GPCPD1: variants seen among roughly 807,000 people sequenced by gnomAD.
The protein encoded by GPCPD1 is glycerophosphocholine phosphodiesterase GPCPD1.
GPCPD1 carries 29 observed loss-of-function variants against 89.2 expected under a neutral mutation model. That is an observed-to-expected ratio of 0.33 (90% CI 0.24 to 0.44). The LOEUF is 0.44. Ranked by LOEUF, GPCPD1 falls within the 20% of genes least tolerant of loss-of-function variation. GPCPD1 has a pLI of 1.00. For synonymous variants in GPCPD1, 258 were observed against 266.3 expected, an observed-to-expected ratio of 0.97 and a Z score of 0.30; for missense variants, 594 against 808.9, an observed-to-expected ratio of 0.73 and a Z score of 3.22.
chr20:5,560,060 C>T lies in GPCPD1; in HGVS notation c.1412G>A (p.Gly471Asp). ...ICQQRDGMWD[G>D]NLSTYFDMNL... is the part of the protein sequence containing the mutation. ...CATGTCAAAATATGTTGATAAGTTA[C>T]CATCCCACATTCCATCCTAGTGAAA... The change falls in exon 17 of 20, where the codon GGT becomes GAT. Residue 471 changes from glycine (G) to aspartate (D), a missense_variant. Coordinates refer to ENST00000379019, the MANE Select transcript of GPCPD1 (RefSeq NM_019593.5). The T allele has an allele frequency of 1.3e-6, 2 of 1,574,076 alleles. No homozygotes were observed. Among genetic ancestry groups the T allele is most frequent in the Non-Finnish European group, 1.7e-6 (2 of 1,161,442 alleles).
intron 10 of GPCPD1, among the ~76,000 whole-genome samples, chr20:5,574,769 G>A (rs1229248476): frequency 6.6e-6 from 1 of 152,090 alleles, no homozygotes; most frequent in African/African-American, 2.4e-5. Flanking sequence ...GGGCAGGTGA[G>A]GGTGCTTCTT....
intron 2 of GPCPD1, among the ~76,000 whole-genome samples, chr20:5,599,844 C>T (rs533659821): frequency 9.9e-5 from 15 of 152,260 alleles, no homozygotes; most frequent in African/African-American, 3.6e-4. Flanking sequence ...TGAGCCGCCG[C>T]GCCCAGCCAA....
Position 5,610,983 on chromosome 20 carries a change from A to C in GPCPD1, c.-170T>G, listed in dbSNP as rs1172493063. The C allele has an allele frequency of 6.6e-6, 1 of 151,924 alleles. No individual in the cohort carries two copies. The highest frequency in any genetic ancestry group is 1.5e-5 in the Non-Finnish European group (1 of 67,982). The allele number at this position is 151,924 out of a possible 1,614,324, so 9.4% of individuals were successfully genotyped here. A position where few individuals can be genotyped will look rare whatever the true frequency, so the allele number is the denominator to read the frequency against. ...GCCTGCCGCGGCGTCGAGCGGCAGG[A>C]AGCAGCCACGCTCAAACCGGTTTCA... is the stretch of plus-strand genomic sequence containing the variant. On this transcript the variant is annotated 5_prime_UTR_variant, in exon 1 of 20. Transcript: ENST00000379019.
intron 1 of GPCPD1, among the ~76,000 whole-genome samples, chr20:5,605,632 G>T (rs1568683436): frequency 6.6e-6 from 1 of 152,094 alleles, no homozygotes; most frequent in South Asian, 2.1e-4. Flanking sequence ...TACAAAATTA[G>T]CCGGGCGTGG....
chr20:5,565,199 C>A lies in GPCPD1; in HGVS notation c.1268-121G>T, dbSNP rs547655859. ...GAGAGAGAGTGTGTGTGTGAGCAAG[C>A]GCGAGAGCATAAGTAACTCTGAGAT... On this transcript the variant is annotated intron_variant, in intron 14 of 19. Transcript: ENST00000379019. The A allele has an allele frequency of 2.4e-5, 15 of 631,966 alleles. No homozygotes were observed. The Admixed American group carries it at 3.0e-4, about 13-fold the overall frequency. The allele number at this position is 631,966 out of a possible 1,614,324, so 39.1% of individuals were successfully genotyped here.
At chr20:5,564,067 T>C (rs1483828125) in intron 15 of GPCPD1, among the ~76,000 whole-genome samples, 1 of 152,150 alleles carries the variant, frequency 6.6e-6, no homozygotes, top group African/African-American at 2.4e-5. Flanking sequence ...GACCAGAATT[T>C]AGAAACTGGA....
At chr20:5,588,275 C>G (rs954908506) in intron 4 of GPCPD1, among the ~76,000 whole-genome samples, 4 of 152,288 alleles carry the variant, frequency 2.6e-5, no homozygotes, top group African/African-American at 9.6e-5. Context: ...GAGGCCAAGG[C>G]AGGTGGATCA....
chr20:5,600,607 G>T (rs926405559), intron 2 of GPCPD1, among the ~76,000 whole-genome samples: 2 of 152,198 alleles, frequency 1.3e-5, no homozygotes, highest in African/African-American at 2.4e-5. Context: ...GCCAAGGCAG[G>T]CAGATCACTA....
chr20:5,610,157 C>T (rs1026681850), intron 1 of GPCPD1, among the ~76,000 whole-genome samples: 5 of 152,112 alleles, frequency 3.3e-5, no homozygotes, highest in African/African-American at 1.2e-4. Context: ...GATGAGGACA[C>T]CTAAGTGATT....
chr20:5,572,607 T>C (rs1261109048), intron 11 of GPCPD1, among the ~76,000 whole-genome samples: 1 of 152,154 alleles, frequency 6.6e-6, no homozygotes, highest in South Asian at 2.1e-4. Flanking sequence ...GTTGAGGGCA[T>C]ATGGAGTACA....
intron 19 of GPCPD1, among the ~76,000 whole-genome samples, chr20:5,550,037 C>A (rs1382913046): frequency 6.6e-6 from 1 of 151,504 alleles, no homozygotes; most frequent in Non-Finnish European, 1.5e-5. Context: ...TACTAAAATA[C>A]AAAAAATTAG....
At position 5,573,948 on chromosome 20, in the gene GPCPD1, A is replaced by AT; in HGVS notation, c.1022dup (p.Asn341LysfsTer11). On this transcript the variant is annotated frameshift_variant, in exon 11 of 20. Coordinates refer to ENST00000379019, the MANE Select transcript of GPCPD1 (RefSeq NM_019593.5). LOFTEE classifies it high-confidence loss of function. ...CAGCATTTCTTAAAGAAGCAATAGT[A>AT]TTTTCTTGAACTTTAGCCAGCCTGA... is the stretch of plus-strand genomic sequence containing the variant. 6.6e-7 allele frequency: 1 copy of AT among 1,517,924 alleles called. No individual in the cohort carries two copies. The highest frequency in any genetic ancestry group is 9.2e-7 in the Non-Finnish European group (1 of 1,092,218). 94.0% of individuals were successfully genotyped at this position (1,517,924 alleles called of 1,614,324 possible). A position where few individuals can be genotyped will look rare whatever the true frequency, so the allele number is the denominator to read the frequency against.
At chr20:5,577,064 T>C (rs1362457981) in intron 8 of GPCPD1, among the ~76,000 whole-genome samples, 5 of 119,322 alleles carry the variant, frequency 4.2e-5, no homozygotes, top group Non-Finnish European at 8.4e-5. Flanking sequence ...TTTTTTTTTT[T>C]GTTTTTTTTT....
intron 4 of GPCPD1, among the ~76,000 whole-genome samples, chr20:5,592,407 A>G (rs1478313375): frequency 6.6e-6 from 1 of 152,244 alleles, no homozygotes; most frequent in Non-Finnish European, 1.5e-5. Context: ...TGTATTCACA[A>G]AATATTCTTG....
chr20:5,571,695 GGTAA>G, intron 11 of GPCPD1, among the ~76,000 whole-genome samples: 1 of 152,240 alleles, frequency 6.6e-6, no homozygotes, highest in South Asian at 2.1e-4. Flanking sequence ...GATCACCTGA[GGTAA>G]GAAGTTCAAG....
At chr20:5,582,034 A>C (rs1437521575) in intron 6 of GPCPD1, among the ~76,000 whole-genome samples, 1 of 147,490 alleles carries the variant, frequency 6.8e-6, no homozygotes, top group Non-Finnish European at 1.5e-5. Flanking sequence ...AATACAAAAA[A>C]AATTAGCCGG....
chr20:5,557,378 G>A (rs1010748547), intron 19 of GPCPD1, among the ~76,000 whole-genome samples: 1 of 152,302 alleles, frequency 6.6e-6, no homozygotes, highest in South Asian at 2.1e-4. Context: ...CAGTTAACTT[G>A]GTGAGTAGTC....
intron 19 of GPCPD1, among the ~76,000 whole-genome samples, chr20:5,553,906 G>C (rs117245700): frequency 3.2e-5 from 3 of 92,328 alleles, no homozygotes; most frequent in East Asian, 9.8e-4. Flanking sequence ...AGAAGCTGCA[G>C]TTAAGGTATC....
At chr20:5,566,261 A>G (rs532527689) in intron 14 of GPCPD1, among the ~76,000 whole-genome samples, 16 of 152,360 alleles carry the variant, frequency 1.1e-4, no homozygotes, top group African/African-American at 3.8e-4. Flanking sequence ...GACATATATG[A>G]AAATAAAGGA....
Sources: gnomAD v4.1 joint callset for allele counts (sites outside exome capture counted in the v4.1 genomes callset) on GRCh38, gnomAD v4.1.1 for gene constraint, MANE v1.5 for transcripts, NCBI Gene and HGNC (gene_info 2026-07-23, HGNC 2026-07-21) for gene names.